EDEM3: variants seen among roughly 807,000 people sequenced by gnomAD.
EDEM3 encodes ER degradation-enhancing alpha-mannosidase-like protein 3.
Under a neutral mutation model 110.2 loss-of-function variants are expected in EDEM3, and 60 were observed. That is an observed-to-expected ratio of 0.54 (90% CI 0.44 to 0.67). The LOEUF (loss-of-function observed/expected upper bound fraction) is 0.67, where lower values mean the gene tolerates loss of function less well. Among genes scored for constraint, EDEM3 ranks in the 30% least tolerant of loss-of-function variants. The pLI is 0.00. For missense variants in EDEM3, 996 were observed against 1,121.0 expected (o/e 0.89, Z 1.59); for synonymous variants, 352 against 382.9 (o/e 0.92, Z 0.94).
At chr1:184,719,311 T>G (rs540347956) in intron 10 of EDEM3, 66 bp from the exon 11 acceptor site, 4 of 1,512,068 alleles carry the variant, frequency 2.6e-6, no homozygotes, top group Non-Finnish European at 3.5e-6. Flanking sequence ...AATCATTACA[T>G]AAACAGAAAA....
intron 18 of EDEM3, among the ~76,000 whole-genome samples, chr1:184,706,116 C>T (rs1423531853): frequency 2.0e-5 from 3 of 151,196 alleles, no homozygotes; most frequent in Admixed American, 2.0e-4. Flanking sequence ...TCCACTGGAG[C>T]TCAAAAATAT....
intron 1 of EDEM3, among the ~76,000 whole-genome samples, chr1:184,751,944 G>A (rs2102142826): frequency 6.6e-6 from 1 of 152,144 alleles, no homozygotes; most frequent in East Asian, 1.9e-4. Flanking sequence ...GTAGAGAAGG[G>A]GTTTCTCCAT....
At chr1:184,706,615 C>G in intron 18 of EDEM3, 28 bp downstream of exon 18, 1 of 1,532,344 alleles carries the variant, frequency 6.5e-7, no homozygotes, top group East Asian at 2.3e-5. Flanking sequence ...CCCCTTCAGT[C>G]AACACAATGA....
intron 2 of EDEM3, among the ~76,000 whole-genome samples, chr1:184,744,803 G>C (rs1180098734): frequency 2.0e-5 from 3 of 151,788 alleles, no homozygotes; most frequent in African/African-American, 4.8e-5. Context: ...CAATAAATAG[G>C]AATTACAATA....
chr1:184,696,407 T>C (rs1031827570), intron 19 of EDEM3, among the ~76,000 whole-genome samples: 2 of 151,922 alleles, frequency 1.3e-5, no homozygotes, highest in Non-Finnish European at 2.9e-5. Context: ...AATAAAATTA[T>C]TATGCTTTTC....
chr1:184,734,999 A>G (rs1651743539), intron 4 of EDEM3, among the ~76,000 whole-genome samples: 1 of 152,186 alleles, frequency 6.6e-6, no homozygotes, highest in South Asian at 2.1e-4. Context: ...TATTCACCAG[A>G]TACATTCTAA....
At position 184,717,566 on chromosome 1, in the gene EDEM3, C is replaced by T; in HGVS notation, c.1219G>A (p.Ala407Thr). ...TTATATAAGAAGTAGGTACTTTCTG[C>T]AAATTCTGGCCTTAAAGGATGTTGA... ...WAQHPLRPEF[A>T]ESTYFLYKAT... is the part of the protein sequence containing the mutation. The change falls in exon 12 of 20, where the codon GCA (alanine) becomes ACA (threonine). Residue 407 changes from alanine (A) to threonine (T), a missense_variant. By Grantham distance (58) the Ala-to-Thr change is moderately conservative. Around this residue, in one of 5 missense-constraint regions of EDEM3, gnomAD observed 310 missense variants for 394.6 expected, o/e 0.79. Coordinates refer to ENST00000318130, the MANE Select transcript of EDEM3 (RefSeq NM_025191.4). The T allele has an allele frequency of 6.2e-7, 1 of 1,607,470 alleles. No homozygotes were observed. The highest frequency in any genetic ancestry group is 8.5e-7 in the Non-Finnish European group (1 of 1,177,356).
Position 184,693,976 on chromosome 1 carries a change from G to T in EDEM3, c.*87C>A. The T allele has an allele frequency of 7.1e-7, 1 of 1,401,056 alleles. No homozygotes were observed. 86.8% of individuals were successfully genotyped at this position (1,401,056 alleles called of 1,614,324 possible). ...TCACCATACTTAAAGCCTCCCATTAGAAAGCCTGCTTAGTATTAGGATGTC... is the reference window on the plus strand; with the variant it reads ...TCACCATACTTAAAGCCTCCCATTATAAAGCCTGCTTAGTATTAGGATGTC... On this transcript the variant is annotated 3_prime_UTR_variant, in exon 20 of 20. Coordinates refer to ENST00000318130, the MANE Select transcript of EDEM3 (RefSeq NM_025191.4).
In EDEM3 at chr1:184,711,778, G is replaced by T; in HGVS notation, c.1636C>A (p.Arg546Ser). Reference sequence around the variant, plus strand: ...TCCACCACATTTTTCAAGGGCTCACGAATACTTTGAGCATACAATGGGTCA... The same window carrying T: ...TCCACCACATTTTTCAAGGGCTCACTAATACTTTGAGCATACAATGGGTCA... Reference protein sequence around the residue: ...PNDPLYAQSIREPLKNVVDKS... With the variant: ...PNDPLYAQSISEPLKNVVDKS... The change falls in exon 15 of 20, where the codon CGT becomes AGT. Residue 546 changes from arginine (R) to serine (S), a missense_variant. By Grantham distance (110) the Arg-to-Ser change is moderately radical (BLOSUM62 -1). Around this residue, in one of 5 missense-constraint regions of EDEM3, gnomAD observed 138 missense variants for 124.3 expected, o/e 1.11. Coordinates refer to ENST00000318130, the MANE Select transcript of EDEM3 (RefSeq NM_025191.4). 6.2e-7 allele frequency: 1 copy of T among 1,613,322 alleles called. No individual in the cohort carries two copies. The highest frequency in any genetic ancestry group is 8.5e-7 in the Non-Finnish European group (1 of 1,179,534).
chr1:184,704,357 T>C (rs1208725983), intron 18 of EDEM3, among the ~76,000 whole-genome samples: 4 of 152,042 alleles, frequency 2.6e-5, no homozygotes, highest in African/African-American at 9.7e-5. Context: ...AGTTTCTCAT[T>C]AAAAATTAAA....
chr1:184,731,616 G>A (rs920421030), intron 6 of EDEM3, among the ~76,000 whole-genome samples: 4 of 152,038 alleles, frequency 2.6e-5, no homozygotes, highest in Admixed American at 2.0e-4. Context: ...CCTCTGTCCT[G>A]TGAGTTCTCT....
chr1:184,737,610 C>T lies in EDEM3; in HGVS notation c.305+1G>A, dbSNP rs765403483. 1 of 1,613,856 alleles carries T rather than the reference C, an allele frequency of 6.2e-7. No individual in the cohort carries two copies. Among genetic ancestry groups the T allele is most frequent in the South Asian group, 1.1e-5 (1 of 91,078 alleles). On this transcript the variant is annotated splice_donor_variant, in intron 3 of 19. Coordinates refer to ENST00000318130, the MANE Select transcript of EDEM3 (RefSeq NM_025191.4). LOFTEE classifies it high-confidence loss of function. ...ATGCCATGCCCTGTGTTAATACTCA[C>T]TTTCCCAAGGCATCATCAACGTCAC...
chr1:184,727,338 T>C (rs1435367096), intron 6 of EDEM3, among the ~76,000 whole-genome samples: 1 of 152,012 alleles, frequency 6.6e-6, no homozygotes, highest in South Asian at 2.1e-4. Context: ...CAGACACTGA[T>C]TAAAATTAGA....
intron 2 of EDEM3, among the ~76,000 whole-genome samples, chr1:184,742,669 G>A (rs1244205393): frequency 3.9e-5 from 6 of 152,150 alleles, no homozygotes; most frequent in African/African-American, 7.2e-5. Context: ...GATTACAGGC[G>A]TGAGCCACCA....
At chr1:184,732,517 C>A (rs749459695) in intron 6 of EDEM3, among the ~76,000 whole-genome samples, 62 of 152,178 alleles carry the variant, frequency 4.1e-4, no homozygotes, top group Non-Finnish European at 5.9e-5. Flanking sequence ...GAGGTAATGG[C>A]CACCTCATTT....
rs577920383 is a variant in EDEM3 at position 184,751,621 on chromosome 1, TATA to T, written c.159-2032_159-2030del. Among the ~76,000 whole-genome samples the T allele has an allele frequency of 5.9e-5, 9 of 152,314 alleles. No homozygotes were observed. The South Asian group carries it at 1.2e-3, about 21-fold the overall frequency. ...AAAGTCACATTTAAATACAGAATGG[TATA>T]ATAATTACTATACTGAACAGAAAAA... is the stretch of plus-strand genomic sequence containing the variant. On this transcript the variant is annotated intron_variant, in intron 1 of 19. Transcript: ENST00000318130.
rs1651190506 is a variant in EDEM3, at chr1:184,726,330, G to A, written c.672C>T (p.Thr224=). The change falls in exon 7 of 20, where the codon ACC becomes ACT. Residue 224 remains threonine (T), a synonymous_variant. Coordinates refer to ENST00000318130, the MANE Select transcript of EDEM3 (RefSeq NM_025191.4). ...TCAAGGTACCTGCACAAGCTGTACA[G>A]GTATCTGTCTCAGTTCCTGTCCGAG... ...PEARTGTETD[T]CTACAGTLIL... 6.2e-7 allele frequency: 1 copy of A among 1,613,912 alleles called. No individual in the cohort carries two copies. Among genetic ancestry groups the A allele is most frequent in the Non-Finnish European group, 8.5e-7 (1 of 1,179,900 alleles).
At chr1:184,728,165 C>A (rs897963971) in intron 6 of EDEM3, among the ~76,000 whole-genome samples, 5 of 152,032 alleles carry the variant, frequency 3.3e-5, no homozygotes, top group African/African-American at 1.2e-4. Context: ...CCTCAAGGAG[C>A]TTAAAATCCA....
rs1649962546 is a variant in EDEM3, at chr1:184,706,910, C to T, written c.2038-102G>A. On this transcript the variant is annotated intron_variant, in intron 17 of 19. Coordinates refer to ENST00000318130, the MANE Select transcript of EDEM3 (RefSeq NM_025191.4). ...GTTTTAAAAGAACTAGAACTCATTT[C>T]TTTTCTAATGATAACGTATCTAACA... 4.9e-6 allele frequency: 6 copies of T among 1,212,872 alleles called. No individual in the cohort carries two copies. The South Asian group carries it at 8.0e-5, about 16-fold the overall frequency. The allele number at this position is 1,212,872 out of a possible 1,614,324, so 75.1% of individuals were successfully genotyped here.
Sources: gnomAD v4.1 joint callset for allele counts (sites outside exome capture counted in the v4.1 genomes callset) on GRCh38, gnomAD v4.1.1 for gene constraint, gnomAD v4.1.1 regional missense constraint, MANE v1.5 for transcripts, NCBI Gene and HGNC (gene_info 2026-07-23, HGNC 2026-07-21) for gene names.